CDC14A: variants seen among roughly 807,000 people sequenced by gnomAD.
CDC14A encodes dual specificity protein phosphatase CDC14A.
A neutral mutation model predicts 74.4 loss-of-function variants in CDC14A; 53 were observed. The observed-to-expected ratio is 0.71, with a 90% CI of 0.57 to 0.89. The LOEUF (loss-of-function observed/expected upper bound fraction) is 0.89. CDC14A is among the 40% of genes least tolerant of loss of function. CDC14A has a pLI of 0.00. For synonymous variants in CDC14A, 247 were observed against 258.4 expected, an observed-to-expected ratio of 0.96 and a Z score of 0.43; for missense variants, 646 against 713.7, an observed-to-expected ratio of 0.91 and a Z score of 1.08.
chr1:100,441,372 AC>A (rs1571200854), intron 6 of CDC14A, among the ~76,000 whole-genome samples: 2 of 152,186 alleles, frequency 1.3e-5, no homozygotes, highest in East Asian at 3.9e-4. Flanking sequence ...TACATAAGGC[AC>A]CATATTCTGG....
At chr1:100,395,817 G>A (rs540365032) in intron 4 of CDC14A, among the ~76,000 whole-genome samples, 1 of 152,256 alleles carries the variant, frequency 6.6e-6, no homozygotes, top group South Asian at 2.1e-4. Context: ...CTCCCCTCAT[G>A]CTGGACTTCT....
intron 5 of CDC14A, among the ~76,000 whole-genome samples, chr1:100,436,687 A>G (rs991106706): frequency 6.6e-6 from 1 of 152,030 alleles, no homozygotes; most frequent in Non-Finnish European, 1.5e-5. Context: ...CGGCCTCCCA[A>G]AGTGCTGGGA....
At chr1:100,364,484 T>C (rs1008672437) in intron 2 of CDC14A, among the ~76,000 whole-genome samples, 1 of 140,416 alleles carries the variant, frequency 7.1e-6, no homozygotes, top group African/African-American at 3.0e-5. Flanking sequence ...AGTGCTGGGA[T>C]TACAGGCGGA....
At chr1:100,447,490 G>T (rs1378429216) in intron 7 of CDC14A, among the ~76,000 whole-genome samples, 3 of 152,164 alleles carry the variant, frequency 2.0e-5, no homozygotes, top group African/African-American at 4.8e-5. Context: ...CTTCCTCTAG[G>T]AATCAGTGTC....
chr1:100,381,312 C>G (rs1006509385), intron 3 of CDC14A, among the ~76,000 whole-genome samples: 1 of 152,200 alleles, frequency 6.6e-6, no homozygotes, highest in African/African-American at 2.4e-5. Flanking sequence ...CGAAACTGCT[C>G]TAATAACGTC....
intron 3 of CDC14A, among the ~76,000 whole-genome samples, chr1:100,390,506 G>T (rs1393683032): frequency 6.6e-6 from 1 of 152,110 alleles, no homozygotes; most frequent in Non-Finnish European, 1.5e-5. Context: ...TCTTTTCTGG[G>T]AGAGAAAGAT....
At chr1:100,348,472 C>G (rs1307690193), upstream of CDC14A, among the ~76,000 whole-genome samples, 1 of 152,028 alleles carries the variant, frequency 6.6e-6, no homozygotes, top group South Asian at 2.1e-4. Context: ...TTGCTCTCAT[C>G]TGAATCTTCC....
At chr1:100,460,241 A>C (rs1341450616) in intron 8 of CDC14A, among the ~76,000 whole-genome samples, 1 of 152,200 alleles carries the variant, frequency 6.6e-6, no homozygotes, top group Non-Finnish European at 1.5e-5. Context: ...CCATATTTGG[A>C]CAATTTCTGT....
At position 100,353,859 on chromosome 1, in the gene CDC14A, TTA is replaced by T. The variant is rs1447395018; in HGVS notation, c.140+9_140+10del. On this transcript the variant is annotated splice_region_variant and intron_variant, in intron 2 of 15. Transcript: ENST00000336454. ...AGGAGCTGGTCTATGAAAAGTAAGT[TTA>T]TGTTTTGTTTTTTTTTCTCTTGGCC... 2 of 1,560,548 alleles carry T rather than the reference TTA, an allele frequency of 1.3e-6. No homozygotes were observed. Among genetic ancestry groups the T allele is most frequent in the Admixed American group, 1.7e-5 (1 of 58,468 alleles).
In CDC14A at chr1:100,424,274, G is replaced by A; in HGVS notation, c.362G>A (p.Gly121Asp). Residue 121 changes from glycine (G) to aspartate (D), a missense_variant, in exon 5 of 16, where the codon GGC (glycine) becomes GAC (aspartate). Physicochemically the swap from Gly to Asp is moderately conservative, Grantham distance 94. Coordinates refer to ENST00000336454, the MANE Select transcript of CDC14A (RefSeq NM_003672.4). ...PEEAYRALLSGSNPPYLPFRD... is the reference protein window; with the variant it reads ...PEEAYRALLSDSNPPYLPFRD... ...GAAGCCTACAGAGCACTCCTGTCTG[G>A]CTCAAACCCCCCCTATCTTCCATTC... 1 of 1,613,332 alleles carries A rather than the reference G, an allele frequency of 6.2e-7. No individual in the cohort carries two copies.
At chr1:100,466,248 T>C (rs917190906) in intron 9 of CDC14A, among the ~76,000 whole-genome samples, 1 of 152,154 alleles carries the variant, frequency 6.6e-6, no homozygotes, top group Non-Finnish European at 1.5e-5. Flanking sequence ...TCTCTCCAGA[T>C]AGACACCCAA....
chr1:100,476,568 G>A (rs1668926883), intron 10 of CDC14A, among the ~76,000 whole-genome samples: 2 of 151,588 alleles, frequency 1.3e-5, no homozygotes, highest in African/African-American at 2.4e-5. Context: ...AGGTCTCAAG[G>A]TTCCAACCAA....
chr1:100,476,836 T>C (rs1311821367), intron 10 of CDC14A, among the ~76,000 whole-genome samples: 1 of 152,114 alleles, frequency 6.6e-6, no homozygotes, highest in Non-Finnish European at 1.5e-5. Context: ...TGTTACTGTA[T>C]ATGGAAAAAG....
chr1:100,453,869 T>G (rs1344619774), intron 7 of CDC14A, among the ~76,000 whole-genome samples: 1 of 152,242 alleles, frequency 6.6e-6, no homozygotes, highest in East Asian at 1.9e-4. Context: ...CTTGCACTCC[T>G]GAGCTCAGGT....
chr1:100,457,449 A>G (rs1666819020), intron 8 of CDC14A, among the ~76,000 whole-genome samples: 1 of 151,720 alleles, frequency 6.6e-6, no homozygotes, highest in Non-Finnish European at 1.5e-5. Context: ...GTGTTAATTT[A>G]TTTTTGGTTT....
In CDC14A at chr1:100,437,600, C is replaced by T. The variant is rs17122494; in HGVS notation, c.390-2332C>T. 6.0e-3 allele frequency among the ~76,000 whole-genome samples: 907 copies of T among 152,294 alleles called. 16 individuals carry two copies. Among genetic ancestry groups the T allele is most frequent in the African/African-American group, 0.021 (879 of 41,562 alleles). ...TGGTGACTGACTTGCCTAGTTCTGTCGGATGGCATGTTAACTTTCCCTCCC... is the reference window on the plus strand; with the variant it reads ...TGGTGACTGACTTGCCTAGTTCTGTTGGATGGCATGTTAACTTTCCCTCCC... On this transcript the variant is annotated intron_variant, in intron 5 of 15. Transcript: ENST00000336454.
rs139647240 is a variant in CDC14A, at chr1:100,488,591, A to G, written c.1137+4140A>G. ...TTTTTACATTTTGTCTTTCTACTCT[A>G]GGGCTATAGTCCAATATTAGCATAC... On this transcript the variant is annotated intron_variant, in intron 11 of 15. Transcript: ENST00000336454. Among the ~76,000 whole-genome samples the G allele has an allele frequency of 1.4e-4, 22 of 152,310 alleles. No individual in the cohort carries two copies. The East Asian group carries it at 4.2e-3, about 29-fold the overall frequency.
At chr1:100,424,979 G>A (rs550399309) in intron 5 of CDC14A, among the ~76,000 whole-genome samples, 2 of 152,120 alleles carry the variant, frequency 1.3e-5, no homozygotes, top group South Asian at 2.1e-4. Flanking sequence ...ACCAGCCTGG[G>A]CAACATGGTG....
chr1:100,439,028 G>A (rs1398299354), intron 5 of CDC14A, among the ~76,000 whole-genome samples: 3 of 152,196 alleles, frequency 2.0e-5, no homozygotes, highest in African/African-American at 7.2e-5. Flanking sequence ...ACACTGTAGT[G>A]TTAAAGCTCT....
Sources: gnomAD v4.1 joint callset for allele counts (sites outside exome capture counted in the v4.1 genomes callset) on GRCh38, gnomAD v4.1.1 for gene constraint, MANE v1.5 for transcripts, NCBI Gene and HGNC (gene_info 2026-07-23, HGNC 2026-07-21) for gene names.